CASZ1: variants seen among roughly 807,000 people sequenced by gnomAD.
CASZ1 encodes the protein zinc finger protein castor homolog 1.
Under a neutral mutation model 135.2 loss-of-function variants are expected in CASZ1, and 28 were observed. That is an observed-to-expected ratio of 0.21 (90% CI 0.15 to 0.28). The LOEUF is 0.28. Ranked by LOEUF, CASZ1 falls within the 10% of genes least tolerant of loss-of-function variation. The probability of loss-of-function intolerance (pLI) is 1.00; values close to 1 mark genes in which losing one functional copy is unlikely to be tolerated. For missense variants in CASZ1, 2,161 were observed against 2,453.3 expected, an observed-to-expected ratio of 0.88 and a Z score of 2.52; for synonymous variants, 1,068 against 1,073.4, an observed-to-expected ratio of 0.99 and a Z score of 0.10.
intron 1 of CASZ1, among the ~76,000 whole-genome samples, chr1:10,787,026 C>T (rs1640871637): frequency 6.6e-6 from 1 of 152,214 alleles, no homozygotes; most frequent in Admixed American, 6.5e-5. Context: ...GGACACCTTG[C>T]ACTTGACAAT....
chr1:10,651,182 C>T (rs933841841), intron 11 of CASZ1, 106 bp from the exon 12 acceptor site: 51 of 900,212 alleles, frequency 5.7e-5, no homozygotes, highest in Non-Finnish European at 6.9e-5. Context: ...GGGTGGGCCC[C>T]GGCTACTGGT....
At position 10,739,261 on chromosome 1, in the gene CASZ1, C is replaced by T. The variant is rs991229329; in HGVS notation, c.-77+21440G>A. Among the ~76,000 whole-genome samples, 2 of 152,048 alleles carry T rather than the reference C, an allele frequency of 1.3e-5. No homozygotes were observed. Among genetic ancestry groups the T allele is most frequent in the African/African-American group, 2.4e-5 (1 of 41,406 alleles). On this transcript the variant is annotated intron_variant, in intron 2 of 20. Transcript: ENST00000377022. The surrounding 1 kb of genome is among the most constrained non-coding windows in gnomAD (Gnocchi z 4.8). ...GGTGCATTCACGAGGGGGGTGTGTG[C>T]GCCTGGGGGTCACCCCTGCTGTCTC...
At chr1:10,710,379 C>T (rs1639262761) in intron 2 of CASZ1, among the ~76,000 whole-genome samples, 1 of 152,210 alleles carries the variant, frequency 6.6e-6, no homozygotes, top group Non-Finnish European at 1.5e-5. Context: ...CCCACCCCTC[C>T]TGAGACCCCC....
intron 3 of CASZ1, among the ~76,000 whole-genome samples, chr1:10,704,974 C>A (rs968702480): frequency 1.3e-5 from 2 of 152,258 alleles, no homozygotes; most frequent in African/African-American, 4.8e-5. Flanking sequence ...TCGGCCGTGG[C>A]CTTCTCCCTG....
At chr1:10,702,149 C>T (rs569249565) in intron 3 of CASZ1, among the ~76,000 whole-genome samples, 96 of 152,348 alleles carry the variant, frequency 6.3e-4, no homozygotes, top group African/African-American at 2.3e-3. Flanking sequence ...GACACATGTC[C>T]GCTTCCTTGC....
At chr1:10,715,475 C>G (rs1208313662) in intron 2 of CASZ1, among the ~76,000 whole-genome samples, 2 of 151,636 alleles carry the variant, frequency 1.3e-5, no homozygotes, top group Non-Finnish European at 2.9e-5. Flanking sequence ...CTCCACTCCC[C>G]ACAGCACCCA....
At chr1:10,681,675 C>G (rs890426747) in intron 4 of CASZ1, among the ~76,000 whole-genome samples, 1 of 152,254 alleles carries the variant, frequency 6.6e-6, no homozygotes, top group East Asian at 1.9e-4. Context: ...CAGTGTCTGG[C>G]CCAACAAATA....
Position 10,647,657 on chromosome 1 carries a change from A to G in CASZ1, c.3497+144T>C. ...AGCAGCAGCATCTTTGGCTAGAAGGACATCACCCGATGGCCATGCCCCAGA... is the reference window on the plus strand; with the variant it reads ...AGCAGCAGCATCTTTGGCTAGAAGGGCATCACCCGATGGCCATGCCCCAGA... On this transcript the variant is annotated intron_variant, in intron 16 of 20. Coordinates refer to ENST00000377022, the MANE Select transcript of CASZ1 (RefSeq NM_001079843.3). This position sits in a 1 kb window ranked among gnomAD's most constrained non-coding sequence, Gnocchi z 4.9. The G allele has an allele frequency of 6.7e-7, 1 of 1,482,102 alleles. No individual in the cohort carries two copies. Among genetic ancestry groups the G allele is most frequent in the Non-Finnish European group, 8.9e-7 (1 of 1,120,376 alleles). 91.8% of individuals were successfully genotyped at this position (1,482,102 alleles called of 1,614,324 possible). A position where few individuals can be genotyped will look rare whatever the true frequency, so the allele number is the denominator to read the frequency against.
chr1:10,661,261 G>C (rs891562104), intron 5 of CASZ1: 1 of 152,354 alleles, frequency 6.6e-6, no homozygotes, highest in African/African-American at 2.4e-5. Context: ...AGTCACACAA[G>C]GTTGGGCCAC....
At chr1:10,693,589 A>AC (rs1638835020) in intron 4 of CASZ1, among the ~76,000 whole-genome samples, 1 of 150,158 alleles carries the variant, frequency 6.7e-6, no homozygotes, top group Non-Finnish European at 1.5e-5. Flanking sequence ...CCCCACAAAA[A>AC]CCCCCTAAAT....
intron 3 of CASZ1, among the ~76,000 whole-genome samples, chr1:10,704,850 C>A (rs1384566545): frequency 6.6e-6 from 1 of 152,244 alleles, no homozygotes; most frequent in African/African-American, 2.4e-5. Flanking sequence ...GCCACCACCC[C>A]GGGGACTGAC....
At chr1:10,682,473 G>A (rs1271357654) in intron 4 of CASZ1, among the ~76,000 whole-genome samples, 1 of 152,148 alleles carries the variant, frequency 6.6e-6, no homozygotes, top group African/African-American at 2.4e-5. Flanking sequence ...GATACCGAGA[G>A]GGGAAGTAGA....
At chr1:10,640,134 G>C in intron 20 of CASZ1, 75 bp from the exon 21 acceptor site, 5 of 1,526,008 alleles carry the variant, frequency 3.3e-6, no homozygotes, top group Non-Finnish European at 4.4e-6. Flanking sequence ...ACCCACATGG[G>C]ACCCCTGATC....
In CASZ1 at chr1:10,722,416, C is replaced by T. The variant is rs115361131; in HGVS notation, c.-76-16872G>A. ...CCCTAAAGCAGCCTTCCGTCCCACA[C>T]GGGCCAGCGAACAAGGGGAGCCTAC... is the stretch of plus-strand genomic sequence containing the variant. On this transcript the variant is annotated intron_variant, in intron 2 of 20. Coordinates refer to ENST00000377022, the MANE Select transcript of CASZ1 (RefSeq NM_001079843.3). Among the ~76,000 whole-genome samples, 123 of 152,358 alleles carry T rather than the reference C, an allele frequency of 8.1e-4. 1 individual carries two copies. Among genetic ancestry groups the T allele is most frequent in the African/African-American group, 2.5e-3 (105 of 41,580 alleles).
rs1237132549 is a variant in CASZ1, at chr1:10,694,497, C to T, written c.-23-585G>A. The T allele has an allele frequency of 6.4e-6, 1 of 156,972 alleles. No homozygotes were observed. Among genetic ancestry groups the T allele is most frequent in the African/African-American group, 2.5e-5 (1 of 40,628 alleles). 9.7% of individuals were successfully genotyped at this position (156,972 alleles called of 1,614,324 possible). ...GGGCGCGGCCGGGGGCGCTGCCAGG[C>T]GCCGCGGTGATTGGCAGGGCGGCCG... On this transcript the variant is annotated intron_variant, in intron 3 of 20. Coordinates refer to ENST00000377022, the MANE Select transcript of CASZ1 (RefSeq NM_001079843.3). This position sits in a 1 kb window ranked among gnomAD's most constrained non-coding sequence, Gnocchi z 6.6.
chr1:10,658,831 C>T (rs1332177885), intron 6 of CASZ1, among the ~76,000 whole-genome samples: 2 of 152,224 alleles, frequency 1.3e-5, no homozygotes, highest in Non-Finnish European at 1.5e-5. Context: ...TGGCAAGCCA[C>T]AGAAGCCCGG....
Position 10,725,121 on chromosome 1 carries a change from G to C in CASZ1, c.-76-19577C>G, listed in dbSNP as rs75785954. Among the ~76,000 whole-genome samples the C allele has an allele frequency of 7.3e-3, 1,111 of 152,284 alleles. 41 individuals carry two copies. In the East Asian group the frequency reaches 0.11, roughly 16 times the overall value. The stretch of plus-strand genomic sequence containing the variant: ...GGAGGGGGCTTGGGCTCCCCTCGGT[G>C]GGGGTAGGATTCCCTAGTTGGCCAG... On this transcript the variant is annotated intron_variant, in intron 2 of 20. Transcript: ENST00000377022. This position sits in a 1 kb window ranked among gnomAD's most constrained non-coding sequence, Gnocchi z 4.4.
intron 2 of CASZ1, among the ~76,000 whole-genome samples, chr1:10,728,984 C>T (rs938719117): frequency 1.3e-5 from 2 of 152,166 alleles, no homozygotes; most frequent in African/African-American, 2.4e-5. Context: ...CCCCACTCTC[C>T]GGACAGCTAT....
intron 4 of CASZ1, among the ~76,000 whole-genome samples, chr1:10,670,447 G>A (rs1643365251): frequency 6.6e-6 from 1 of 152,214 alleles, no homozygotes; most frequent in East Asian, 1.9e-4. Context: ...CGGCTGCCGG[G>A]GCTTCCACCC....
Sources: gnomAD v4.1 joint callset for allele counts (sites outside exome capture counted in the v4.1 genomes callset) on GRCh38, gnomAD v4.1.1 for gene constraint, Gnocchi (gnomAD v3.1) non-coding constraint, MANE v1.5 for transcripts, NCBI Gene and HGNC (gene_info 2026-07-23, HGNC 2026-07-21) for gene names.